The following GLT1D1 variants were observed in gnomAD, a reference collection of about 807,000 sequenced individuals.
GLT1D1 encodes the protein glycosyltransferase 1 domain-containing protein 1.
A neutral mutation model predicts 28.7 loss-of-function variants in GLT1D1; 21 were observed. The ratio of observed to expected loss-of-function variants is 0.73; its 90% CI spans 0.52 to 1.05. The LOEUF (loss-of-function observed/expected upper bound fraction) is 1.05. Ranked by LOEUF, GLT1D1 falls within the 50% of genes least tolerant of loss-of-function variation. GLT1D1 has a pLI of 0.00. For synonymous variants in GLT1D1, 147 were observed against 124.8 expected (o/e 1.18, Z -1.19); for missense variants, 343 against 330.6 (o/e 1.04, Z -0.29).
intron 4 of GLT1D1, among the ~76,000 whole-genome samples, chr12:128,934,160 A>T (rs926878383): frequency 3.3e-5 from 5 of 151,710 alleles, no homozygotes; most frequent in Admixed American, 1.3e-4. Context: ...CTCTTAGTAC[A>T]AAACCACATT....
chr12:128,903,389 C>G (rs1870505425), intron 4 of GLT1D1, among the ~76,000 whole-genome samples: 1 of 151,836 alleles, frequency 6.6e-6, no homozygotes, highest in East Asian at 1.9e-4. Context: ...AAGCTTGCCT[C>G]CTTCCCATTG....
chr12:128,906,851 T>C, intron 4 of GLT1D1: 1 of 700,242 alleles, frequency 1.4e-6, no homozygotes. Context: ...ACCTAAAGTG[T>C]AATTTTACTT....
intron 4 of GLT1D1, among the ~76,000 whole-genome samples, chr12:128,939,974 T>A (rs1328977964): frequency 6.6e-6 from 1 of 151,538 alleles, no homozygotes; most frequent in Non-Finnish European, 1.5e-5. Flanking sequence ...TATATATATA[T>A]CTTATATATG....
intron 1 of GLT1D1, among the ~76,000 whole-genome samples, chr12:128,863,900 C>T (rs1438841110): frequency 7.1e-6 from 1 of 141,168 alleles, no homozygotes; most frequent in East Asian, 2.1e-4. Context: ...GAGCCAATAT[C>T]GTGCCACTGC....
At chr12:128,953,919 T>A (rs1051590958) in intron 6 of GLT1D1, among the ~76,000 whole-genome samples, 5 of 151,858 alleles carry the variant, frequency 3.3e-5, no homozygotes, top group Admixed American at 2.0e-4. Flanking sequence ...CTAATTTTTG[T>A]CTTTTTAGTA....
At chr12:128,874,893 G>GT (rs1268912445) in intron 1 of GLT1D1, among the ~76,000 whole-genome samples, 1 of 152,144 alleles carries the variant, frequency 6.6e-6, no homozygotes, top group Non-Finnish European at 1.5e-5. Flanking sequence ...GTCGTAAATA[G>GT]TTTTTTCCCC....
At chr12:128,926,967 T>C in intron 4 of GLT1D1, 138 bp from the exon 8 acceptor site, 1 of 546,930 alleles carries the variant, frequency 1.8e-6, no homozygotes. Context: ...TAATTTAAAT[T>C]GCCTAATATT....
At chr12:128,972,617 C>T (rs115977416) in intron 7 of GLT1D1, among the ~76,000 whole-genome samples, 1,597 of 152,322 alleles carry the variant, frequency 0.01, 37 homozygotes, top group African/African-American at 0.037. Flanking sequence ...GCTTGCTCTG[C>T]AGATACAAAT....
chr12:128,944,403 G>C (rs1875746993), intron 4 of GLT1D1: 3 of 1,231,028 alleles, frequency 2.4e-6, no homozygotes, highest in Admixed American at 3.4e-5. Context: ...TAATAGTCCA[G>C]GACTGGCTTT....
intron 4 of GLT1D1, among the ~76,000 whole-genome samples, chr12:128,902,265 C>A (rs989751414): frequency 4.0e-5 from 6 of 151,162 alleles, no homozygotes; most frequent in African/African-American, 1.2e-4. Flanking sequence ...GGGCGGATCA[C>A]CTGAGGTCAG....
At chr12:128,966,387 C>T (rs970329891) in intron 7 of GLT1D1, among the ~76,000 whole-genome samples, 2 of 152,222 alleles carry the variant, frequency 1.3e-5, no homozygotes, top group African/African-American at 4.8e-5. Context: ...TCTGCGGCCA[C>T]GTGGGCATCT....
At position 128,945,364 on chromosome 12, in the gene GLT1D1, G is replaced by A; in HGVS notation, c.414G>A (p.Val138=). ...TTACAAGGGAAGTGAAAGCCAAAGT[G>A]AAAAGGTAAGAGTTGGTGGAGACCA... Residue 138 remains valine, a synonymous_variant, in exon 5 of 8, where the codon GTG becomes GTA. Coordinates refer to ENST00000281703, the MANE Select transcript of GLT1D1 (RefSeq NM_144669.3). 1 of 1,613,742 alleles carries A rather than the reference G, an allele frequency of 6.2e-7. No homozygotes were observed.
intron 3 of GLT1D1, among the ~76,000 whole-genome samples, chr12:128,892,789 A>C (rs1016632431): frequency 6.6e-6 from 1 of 151,818 alleles, no homozygotes; most frequent in Non-Finnish European, 1.5e-5. Flanking sequence ...TTTTTTCTAT[A>C]TTATATAGTA....
chr12:128,954,939 G>A (rs1877121387), intron 6 of GLT1D1, among the ~76,000 whole-genome samples: 1 of 152,212 alleles, frequency 6.6e-6, no homozygotes. Flanking sequence ...GGGCAACAGA[G>A]TGAGACCCTG....
At chr12:128,976,196 T>C (rs1879745577) in intron 7 of GLT1D1, among the ~76,000 whole-genome samples, 1 of 152,188 alleles carries the variant, frequency 6.6e-6, no homozygotes. Context: ...GACCAAATAA[T>C]TTTTGGAAAA....
chr12:128,934,441 G>A (rs957693074), intron 4 of GLT1D1, among the ~76,000 whole-genome samples: 5 of 152,034 alleles, frequency 3.3e-5, no homozygotes, highest in Admixed American at 2.6e-4. Flanking sequence ...TGATCCACCC[G>A]CCTCGGCCTC....
intron 2 of GLT1D1, among the ~76,000 whole-genome samples, chr12:128,876,562 C>A (rs1202240284): frequency 6.6e-6 from 1 of 152,156 alleles, no homozygotes; most frequent in African/African-American, 2.4e-5. Context: ...GCAATCCATC[C>A]TCCTCAGCCT....
intron 1 of GLT1D1, among the ~76,000 whole-genome samples, chr12:128,854,437 G>GTGTGTA (rs1491028430): frequency 6.9e-6 from 1 of 144,998 alleles, no homozygotes; most frequent in African/African-American, 2.5e-5. Flanking sequence ...GTGTGTGTGT[G>GTGTGTA]TAAAAGCGGA....
At chr12:128,965,671 A>G (rs1458684307) in intron 7 of GLT1D1, among the ~76,000 whole-genome samples, 2 of 150,302 alleles carry the variant, frequency 1.3e-5, no homozygotes, top group Admixed American at 6.7e-5. Context: ...CAGGAGTTCA[A>G]GACCATCCTG....
Sources: gnomAD v4.1 joint callset for allele counts (sites outside exome capture counted in the v4.1 genomes callset) on GRCh38, gnomAD v4.1.1 for gene constraint, MANE v1.5 for transcripts, NCBI Gene and HGNC (gene_info 2026-07-23, HGNC 2026-07-21) for gene names.